The following MAPT variants were observed in gnomAD, a reference collection of about 807,000 sequenced individuals.
MAPT encodes the protein microtubule-associated protein tau.
MAPT carries 34 observed loss-of-function variants against 67.9 expected under a neutral mutation model. That is an observed-to-expected ratio of 0.50 (90% CI 0.38 to 0.67). The LOEUF (loss-of-function observed/expected upper bound fraction) is 0.67. Among genes scored for constraint, MAPT ranks in the 30% least tolerant of loss-of-function variants. The pLI is 0.00. For missense variants in MAPT, 881 were observed against 1,115.2 expected (o/e 0.79, Z 2.99); for synonymous variants, 456 against 464.5 (o/e 0.98, Z 0.23).
At chr17:45,956,975 A>C (rs536729363) in intron 1 of MAPT, among the ~76,000 whole-genome samples, 159 of 151,764 alleles carry the variant, frequency 1.0e-3, no homozygotes, top group African/African-American at 3.7e-3. Flanking sequence ...TATGTGCCAC[A>C]TTTTCTTAAT....
At chr17:46,023,903 C>G in intron 12 of MAPT, 53 bp from the exon 13 acceptor site, 3 of 1,502,436 alleles carry the variant, frequency 2.0e-6, no homozygotes, top group Admixed American at 1.7e-5. Context: ...GTTGGCAGGG[C>G]TGGTCTTTCT....
chr17:46,007,376 A>G (rs1241015275), intron 9 of MAPT, among the ~76,000 whole-genome samples: 1 of 151,998 alleles, frequency 6.6e-6, no homozygotes, highest in Non-Finnish European at 1.5e-5. Flanking sequence ...AGTTCCAGCT[A>G]CTTGGGAGAC....
intron 1 of MAPT, among the ~76,000 whole-genome samples, chr17:45,939,903 T>C (rs1164181614): frequency 1.3e-5 from 2 of 152,198 alleles, no homozygotes; most frequent in Non-Finnish European, 2.9e-5. Context: ...CTTATGTTCC[T>C]TCTGTGGAGA....
At chr17:45,958,641 A>AT (rs1209298810) in intron 1 of MAPT, among the ~76,000 whole-genome samples, 1 of 151,688 alleles carries the variant, frequency 6.6e-6, no homozygotes, top group Non-Finnish European at 1.5e-5. Flanking sequence ...GGATCACTTG[A>AT]GCCCGGGAGG....
chr17:45,965,227 C>T (rs180793575), intron 2 of MAPT, among the ~76,000 whole-genome samples: 2,709 of 151,886 alleles, frequency 0.018, 66 homozygotes, highest in African/African-American at 0.061. Flanking sequence ...GTCAGGAGTT[C>T]GAGACCAGCC....
intron 1 of MAPT, among the ~76,000 whole-genome samples, chr17:45,911,018 A>C (rs1183120842): frequency 6.6e-6 from 1 of 152,220 alleles, no homozygotes; most frequent in Non-Finnish European, 1.5e-5. Flanking sequence ...TTCCACATCT[A>C]AAGGCTAAAA....
intron 3 of MAPT, chr17:45,974,158 G>A: frequency 1.7e-6 from 1 of 581,360 alleles, no homozygotes; most frequent in Non-Finnish European, 3.1e-6. Context: ...CTTTCCTGGT[G>A]GATGAGCTGG....
intron 9 of MAPT, chr17:45,999,550 G>C (rs2074813817): frequency 6.2e-7 from 1 of 1,613,328 alleles, no homozygotes; most frequent in Non-Finnish European, 8.5e-7. Flanking sequence ...GGCTGAGCAG[G>C]GAAGACAACT....
intron 1 of MAPT, among the ~76,000 whole-genome samples, chr17:45,923,941 G>A (rs1249083459): frequency 1.3e-5 from 2 of 152,338 alleles, no homozygotes; most frequent in African/African-American, 2.4e-5. Flanking sequence ...GTTGAGAAGA[G>A]AATTAAATGA....
intron 2 of MAPT, among the ~76,000 whole-genome samples, chr17:45,963,155 C>A (rs6503452): frequency 0.033 from 5,026 of 152,268 alleles, 297 homozygotes; most frequent in African/African-American, 0.11. Flanking sequence ...AGTGGCCTCT[C>A]TTTAGCAAGA....
At chr17:46,001,682 G>T (rs986397729) in intron 9 of MAPT, among the ~76,000 whole-genome samples, 3 of 152,140 alleles carry the variant, frequency 2.0e-5, no homozygotes, top group African/African-American at 7.2e-5. Flanking sequence ...AAAAATGCTG[G>T]TTCCTTCCTT....
At position 45,896,195 on chromosome 17, in the gene MAPT, G is replaced by A. The variant is rs1436836041; in HGVS notation, c.-18+1509G>A. The A allele has an allele frequency of 6.6e-6, 1 of 152,130 alleles. No homozygotes were observed. The highest frequency in any genetic ancestry group is 1.5e-5 in the Non-Finnish European group (1 of 68,064). The allele number at this position is 152,130 out of a possible 1,614,324, so 9.4% of individuals were successfully genotyped here. On this transcript the variant is annotated intron_variant, in intron 1 of 12. Transcript: ENST00000262410. This position sits in a 1 kb window ranked among gnomAD's most constrained non-coding sequence, Gnocchi z 5.6. ...CATGGAACGGGCGTGACCGCGCGCA[G>A]CCTCGTCTCGGAGTCTGCCGGCGCC...
intron 1 of MAPT, among the ~76,000 whole-genome samples, chr17:45,914,415 G>T (rs17564020): frequency 0.14 from 21,924 of 152,272 alleles, 2,157 homozygotes; most frequent in Middle Eastern, 0.22. Context: ...GGATGGAACT[G>T]GTGAAATAAG....
At chr17:45,930,647 C>G (rs547486968) in intron 1 of MAPT, among the ~76,000 whole-genome samples, 37 of 152,302 alleles carry the variant, frequency 2.4e-4, no homozygotes, top group African/African-American at 8.9e-4. Context: ...AGCTCCAAAG[C>G]TTGTGTTCTT....
At chr17:45,967,423 TAAC>T (rs1272578317) in intron 2 of MAPT, among the ~76,000 whole-genome samples, 1 of 152,092 alleles carries the variant, frequency 6.6e-6, no homozygotes, top group Non-Finnish European at 1.5e-5. Context: ...TGCTGAAAAA[TAAC>T]AAAACCCAGA....
intron 1 of MAPT, among the ~76,000 whole-genome samples, chr17:45,933,590 G>A (rs551902571): frequency 6.6e-6 from 1 of 151,048 alleles, no homozygotes; most frequent in African/African-American, 2.4e-5. Flanking sequence ...CTTGTCCTGA[G>A]GCAGCTGCTC....
chr17:45,958,725 G>GA (rs1186779352), intron 1 of MAPT, among the ~76,000 whole-genome samples: 2,342 of 71,946 alleles, frequency 0.033, 58 homozygotes, highest in African/African-American at 0.08. Flanking sequence ...TGACTTAAAA[G>GA]AAAAAAAAAA....
Position 45,999,603 on chromosome 17 carries a change from C to A in MAPT, c.1998+2939C>A, listed in dbSNP as rs377553420. On this transcript the variant is annotated intron_variant, in intron 9 of 12. Transcript: ENST00000262410. ...TTCAGGGCCAGAACTGTCCCTCCCA[C>A]CCTGCAGCTGCCCTGCCTCTGCCCA... The A allele has an allele frequency of 4.3e-6, 7 of 1,612,214 alleles. No homozygotes were observed. In the African/African-American group the frequency reaches 9.3e-5, roughly 22 times the overall value.
chr17:45,981,686 G>A (rs2072964756), intron 4 of MAPT, among the ~76,000 whole-genome samples: 1 of 152,114 alleles, frequency 6.6e-6, no homozygotes, highest in Non-Finnish European at 1.5e-5. Flanking sequence ...CAGAGAATGG[G>A]CTTGAGGCGG....
Sources: allele counts gnomAD v4.1 joint callset (sites outside exome capture counted in the v4.1 genomes callset), GRCh38; gene constraint gnomAD v4.1.1; non-coding constraint Gnocchi (gnomAD v3.1); transcripts MANE v1.5; gene names NCBI Gene and HGNC (gene_info 2026-07-23, HGNC 2026-07-21).